The following RFT1 variants were observed in gnomAD, a reference collection of about 807,000 sequenced individuals.
RFT1 encodes man(5)GlcNAc(2)-PP-dolichol translocation protein RFT1.
A neutral mutation model predicts 62.2 loss-of-function variants in RFT1; 43 were observed. That is an observed-to-expected ratio of 0.69 (90% confidence interval 0.54 to 0.89). The LOEUF is 0.89. RFT1 is among the 40% of genes least tolerant of loss of function. The pLI, the probability that RFT1 is intolerant of heterozygous loss-of-function variation, is 0.00. For synonymous variants in RFT1, 262 were observed against 264.6 expected, an observed-to-expected ratio of 0.99 and a Z score of 0.10; for missense variants, 605 against 649.9, an observed-to-expected ratio of 0.93 and a Z score of 0.75.
intron 8 of RFT1, among the ~76,000 whole-genome samples, chr3:53,106,214 T>C (rs570487844): frequency 1.1e-4 from 16 of 151,886 alleles, no homozygotes; most frequent in East Asian, 1.9e-4. Context: ...GCCTGGGCAA[T>C]AGAATGAGAC....
Position 53,111,827 on chromosome 3 carries a change from T to C in RFT1, c.775+3A>G, listed in dbSNP as rs75683204. The C allele has an allele frequency of 1.1e-5, 17 of 1,612,524 alleles. No homozygotes were observed. The highest frequency in any genetic ancestry group is 4.5e-5 in the East Asian group (2 of 44,882). On this transcript the variant is annotated splice_donor_region_variant and intron_variant, in intron 7 of 12. Transcript: ENST00000296292. ...CGACGATTCAGAGTGACCGTCTACT[T>C]ACCTTCTGTCAAAATCTGTTTCAAG...
At chr3:53,115,052 T>C (rs1701753995) in intron 6 of RFT1, among the ~76,000 whole-genome samples, 1 of 152,164 alleles carries the variant, frequency 6.6e-6, no homozygotes, top group Admixed American at 6.5e-5. Context: ...GCCCCAGCTT[T>C]ATCCATCCTC....
intron 10 of RFT1, among the ~76,000 whole-genome samples, chr3:53,100,581 C>A (rs1411775940): frequency 6.6e-6 from 1 of 152,128 alleles, no homozygotes; most frequent in African/African-American, 2.4e-5. Context: ...GAATACTTAG[C>A]AAGAAAAGAT....
chr3:53,126,189 C>T (rs1043791534), intron 1 of RFT1, among the ~76,000 whole-genome samples, 195 bp from the exon 2 acceptor site: 5 of 152,228 alleles, frequency 3.3e-5, no homozygotes, highest in African/African-American at 7.2e-5. Context: ...TCTCTCAGCA[C>T]TCCCGTGCAG....
the RFT1 span, among the ~76,000 whole-genome samples, chr3:53,079,531 C>T: frequency 5.9e-5 from 9 of 152,092 alleles, no homozygotes; most frequent in Non-Finnish European, 1.3e-4. Context: ...GTCAGGAGTT[C>T]GAGACCAGTC....
chr3:53,108,389 CTTTT>C (rs60743696), intron 7 of RFT1, among the ~76,000 whole-genome samples: 4 of 120,470 alleles, frequency 3.3e-5, no homozygotes, highest in Non-Finnish European at 3.5e-5. Flanking sequence ...GCTTTCATAT[CTTTT>C]TTTTTTTTTT....
the RFT1 span, among the ~76,000 whole-genome samples, chr3:53,071,869 A>G: frequency 1.3e-5 from 2 of 152,240 alleles, no homozygotes; most frequent in Non-Finnish European, 2.9e-5. Context: ...ACTCAAAAGC[A>G]GGTCCTTGCC....
chr3:53,117,446 G>C (rs1458840297), intron 6 of RFT1, among the ~76,000 whole-genome samples: 4 of 152,076 alleles, frequency 2.6e-5, no homozygotes, highest in Non-Finnish European at 5.9e-5. Context: ...TGAGGCCCAG[G>C]AATCACCTCT....
At chr3:53,116,956 A>C (rs1441765029) in intron 6 of RFT1, among the ~76,000 whole-genome samples, 1 of 152,204 alleles carries the variant, frequency 6.6e-6, no homozygotes, top group African/African-American at 2.4e-5. Flanking sequence ...GGAACTTCCT[A>C]ATCTTTATGT....
chr3:53,106,085 T>C (rs1701463697), intron 8 of RFT1, among the ~76,000 whole-genome samples: 1 of 151,968 alleles, frequency 6.6e-6, no homozygotes, highest in South Asian at 2.1e-4. Context: ...TGGAAAAATT[T>C]AGCCAGGCGT....
downstream of RFT1, among the ~76,000 whole-genome samples, chr3:53,086,504 C>A (rs544195940): frequency 3.3e-5 from 5 of 152,068 alleles, no homozygotes; most frequent in South Asian, 1.0e-3. Context: ...TTAGTAGTGA[C>A]GGGGTTTCAC....
At chr3:53,127,398 C>T (rs1320043531) in intron 1 of RFT1, among the ~76,000 whole-genome samples, 2 of 152,032 alleles carry the variant, frequency 1.3e-5, no homozygotes, top group Non-Finnish European at 2.9e-5. Context: ...TACAGTGGCT[C>T]ATGCCTGTAA....
At chr3:53,098,599 G>A (rs184217404) in intron 11 of RFT1, among the ~76,000 whole-genome samples, 24 of 152,104 alleles carry the variant, frequency 1.6e-4, no homozygotes, top group East Asian at 3.9e-4. Context: ...TCAGGAGATC[G>A]AGACCAACCT....
chr3:53,068,392 G>A, the RFT1 span, among the ~76,000 whole-genome samples: 1 of 152,128 alleles, frequency 6.6e-6, no homozygotes, highest in African/African-American at 2.4e-5. Context: ...GCACCTACTC[G>A]ACACGGTGCC....
the RFT1 span, among the ~76,000 whole-genome samples, chr3:53,080,568 G>C: frequency 1.3e-5 from 2 of 152,232 alleles, no homozygotes; most frequent in Non-Finnish European, 2.9e-5. Flanking sequence ...GGAGGAAGCA[G>C]TAGTGGGGAA....
chr3:53,081,970 G>A, the RFT1 span, among the ~76,000 whole-genome samples: 9 of 152,142 alleles, frequency 5.9e-5, no homozygotes, highest in African/African-American at 2.2e-4. Context: ...TTGAAACAGA[G>A]TCTCACTCTG....
intron 9 of RFT1, among the ~76,000 whole-genome samples, chr3:53,104,741 A>G (rs2107111551): frequency 6.6e-6 from 1 of 152,400 alleles, no homozygotes; most frequent in Non-Finnish European, 1.5e-5. Flanking sequence ...CAAGAGGCTG[A>G]ACTAGCTTGC....
chr3:53,097,208 TAG>T (rs1165643811), intron 11 of RFT1, among the ~76,000 whole-genome samples: 10 of 152,260 alleles, frequency 6.6e-5, no homozygotes, highest in Admixed American at 5.9e-4. Context: ...AAATCCTTGC[TAG>T]AGTTTTTTGT....
chr3:53,128,770 C>T (rs1244721640), intron 1 of RFT1, among the ~76,000 whole-genome samples: 1 of 152,234 alleles, frequency 6.6e-6, no homozygotes, highest in Non-Finnish European at 1.5e-5. Flanking sequence ...CTTGGCCTCC[C>T]AAAGTGCTGG....
Sources: gnomAD v4.1 joint callset for allele counts (sites outside exome capture counted in the v4.1 genomes callset) on GRCh38, gnomAD v4.1.1 for gene constraint, MANE v1.5 for transcripts, NCBI Gene and HGNC (gene_info 2026-07-23, HGNC 2026-07-21) for gene names.